The following CACNB3 variants were observed in gnomAD, a reference collection of about 807,000 sequenced individuals.
The protein encoded by CACNB3 is voltage-dependent L-type calcium channel subunit beta-3.
CACNB3 carries 36 observed loss-of-function variants against 63.7 expected under a neutral mutation model. That is an observed-to-expected ratio of 0.57 (90% CI 0.43 to 0.75). The LOEUF (loss-of-function observed/expected upper bound fraction) is 0.75. Among genes scored for constraint, CACNB3 ranks in the 30% least tolerant of loss-of-function variants. The probability of loss-of-function intolerance (pLI) is 0.00; values close to 1 mark genes in which losing one functional copy is unlikely to be tolerated. For synonymous variants in CACNB3, 241 were observed against 250.6 expected, an observed-to-expected ratio of 0.96 and a Z score of 0.36; for missense variants, 493 against 648.6, an observed-to-expected ratio of 0.76 and a Z score of 2.61.
upstream of CACNB3, chr12:48,814,517 C>A (rs988397383): frequency 5.9e-6 from 9 of 1,529,624 alleles, no homozygotes; most frequent in East Asian, 2.2e-4. The surrounding 1 kb of genome is among the most constrained non-coding windows in gnomAD (Gnocchi z 6.9). Context: ...GGACGCTGCC[C>A]GGCTTAGCTG....
chr12:48,827,743 C>T lies in CACNB3; in HGVS notation c.1299C>T (p.Tyr433=), dbSNP rs930055595. ...TGGAGGAGGACTATGCAGATGCCTA[C>T]CAGGACCTGTACCAGCCTCACCGCC... ...RHLEEDYADA[Y]QDLYQPHRQH... Residue 433 remains tyrosine (Y), a synonymous_variant, in exon 13 of 13, where the codon TAC becomes TAT. Transcript: ENST00000301050. 1.2e-6 allele frequency: 2 copies of T among 1,614,042 alleles called. No individual in the cohort carries two copies. The highest frequency in any genetic ancestry group is 1.7e-6 in the Non-Finnish European group (2 of 1,180,038).
rs966944108 is a variant in CACNB3 at position 48,828,841 on chromosome 12, G to A, written c.*942G>A. 46 of 447,026 alleles carry A rather than the reference G, an allele frequency of 1.0e-4. No individual in the cohort carries two copies. Among genetic ancestry groups the A allele is most frequent in the African/African-American group, 6.0e-4 (30 of 49,872 alleles). 27.7% of individuals were successfully genotyped at this position (447,026 alleles called of 1,614,324 possible). A position where few individuals can be genotyped will look rare whatever the true frequency, so the allele number is the denominator to read the frequency against. On this transcript the variant is annotated 3_prime_UTR_variant, in exon 13 of 13. Transcript: ENST00000301050. ...CAGGGCACAGAGGACCTGTCTCCCCGGCTACTCTTGCCTTATGGCTCTAGT... is the reference window on the plus strand; with the variant it reads ...CAGGGCACAGAGGACCTGTCTCCCCAGCTACTCTTGCCTTATGGCTCTAGT...
intron 1 of CACNB3, among the ~76,000 whole-genome samples, chr12:48,819,365 G>A (rs1937720338): frequency 6.6e-6 from 1 of 152,176 alleles, no homozygotes; most frequent in South Asian, 2.1e-4. Flanking sequence ...GAGCCGCCGA[G>A]GTGGTTGGGG....
chr12:48,817,034 A>G (rs1942303015), upstream of CACNB3: 2 of 982,886 alleles, frequency 2.0e-6, no homozygotes, highest in African/African-American at 3.5e-5. Flanking sequence ...GGAACTTCCA[A>G]TACAGAAGAA....
chr12:48,818,153 G>A (rs1942331764), upstream of CACNB3, among the ~76,000 whole-genome samples: 1 of 152,182 alleles, frequency 6.6e-6, no homozygotes, highest in Non-Finnish European at 1.5e-5. This position sits in a 1 kb window ranked among gnomAD's most constrained non-coding sequence, Gnocchi z 4.3. Context: ...TGCTTTCGGA[G>A]CCTCCGGGAC....
intron 4 of CACNB3, 64 bp downstream of exon 4, chr12:48,824,437 G>A (rs1938019187): frequency 1.1e-5 from 16 of 1,396,200 alleles, no homozygotes; most frequent in Admixed American, 2.0e-5. Flanking sequence ...CACAGGACAC[G>A]TCACCATGCA....
At position 48,827,507 on chromosome 12, in the gene CACNB3, G is replaced by A. The variant is rs1938210344; in HGVS notation, c.1141-78G>A. ...TTTACCGGGGAATTGAGAGTTGAGG[G>A]GGGAAGAATCTCGCACCTCACCAGA... On this transcript the variant is annotated intron_variant, in intron 12 of 12. Coordinates refer to ENST00000301050, the MANE Select transcript of CACNB3 (RefSeq NM_000725.4). 2.2e-5 allele frequency: 29 copies of A among 1,305,782 alleles called. No individual in the cohort carries two copies. In the Admixed American group the frequency reaches 3.4e-4, roughly 15 times the overall value. 80.9% of individuals were successfully genotyped at this position (1,305,782 alleles called of 1,614,324 possible).
At position 48,824,687 on chromosome 12, in the gene CACNB3, C is replaced by T. The variant is rs748697809; in HGVS notation, c.426C>T (p.Ser142=). ...EQKARRSGNP[S]SLSDIGNRRS... is the part of the protein sequence containing the mutation. ...TTCTCAGGAGATCTGGGAACCCTTC[C>T]AGCCTGAGTGACATTGGCAACCGAC... The change falls in exon 5 of 13, where the codon TCC becomes TCT. Residue 142 remains serine, a synonymous_variant. Transcript: ENST00000301050. The T allele has an allele frequency of 1.9e-6, 3 of 1,613,872 alleles. No individual in the cohort carries two copies. The highest frequency in any genetic ancestry group is 2.2e-5 in the South Asian group (2 of 91,058).
In CACNB3 at chr12:48,827,754, A is replaced by T. The variant is rs764052881; in HGVS notation, c.1310A>T (p.Tyr437Phe). The T allele has an allele frequency of 1.9e-6, 3 of 1,614,028 alleles. No individual in the cohort carries two copies. Among genetic ancestry groups the T allele is most frequent in the Non-Finnish European group, 2.5e-6 (3 of 1,180,016 alleles). The change falls in exon 13 of 13, where the codon TAC (tyrosine) becomes TTC (phenylalanine). Residue 437 changes from tyrosine (Y) to phenylalanine (F), a missense_variant. Transcript: ENST00000301050. ...EDYADAYQDL[Y>F]QPHRQHTSGL... is the part of the protein sequence containing the mutation. ...TATGCAGATGCCTACCAGGACCTGT[A>T]CCAGCCTCACCGCCAACACACCTCG...
upstream of CACNB3, chr12:48,815,613 G>A (rs1314889369): frequency 6.5e-7 from 1 of 1,533,244 alleles, no homozygotes; most frequent in Non-Finnish European, 8.7e-7. Flanking sequence ...GCAGCGTGCA[G>A]AGCAGCGGCC....
intron 5 of CACNB3, 50 bp from the exon 6 acceptor site, chr12:48,824,899 G>T: frequency 1.9e-6 from 3 of 1,609,706 alleles, no homozygotes; most frequent in South Asian, 2.2e-5. Context: ...TGCCCCCAGG[G>T]ACCTTTCCCC....
chr12:48,827,815 C>T lies in CACNB3; in HGVS notation c.1371C>T (p.Asp457=). 6.2e-7 allele frequency: 1 copy of T among 1,614,184 alleles called. No individual in the cohort carries two copies. The highest frequency in any genetic ancestry group is 2.2e-5 in the East Asian group (1 of 44,884). The part of the protein sequence containing the change: ...LPSANGHDPQ[D]RLLAQDSEHN... ...GTGCTAACGGGCATGACCCCCAAGA[C>T]CGGCTTCTAGCCCAGGACTCAGAGC... Residue 457 remains aspartate, a synonymous_variant, in exon 13 of 13, where the codon GAC becomes GAT. Transcript: ENST00000301050.
Position 48,824,276 on chromosome 12 carries a change from TGGATCGGGC to T in CACNB3, c.313_321del (p.Ile105_Arg107del). On this transcript the variant is annotated inframe_deletion, in exon 4 of 13. Coordinates refer to ENST00000301050, the MANE Select transcript of CACNB3 (RefSeq NM_000725.4). Reference sequence around the variant, plus strand: ...CCCCCAGAAGTACAGCAATGACTGGTGGATCGGGCGGCTAGTGAAAGAGGGCGGGGACAT... The same window carrying T: ...CCCCCAGAAGTACAGCAATGACTGGTGGCTAGTGAAAGAGGGCGGGGACAT... 1 of 1,612,970 alleles carries T rather than the reference TGGATCGGGC, an allele frequency of 6.2e-7. No individual in the cohort carries two copies. The highest frequency in any genetic ancestry group is 8.5e-7 in the Non-Finnish European group (1 of 1,179,622).
chr12:48,819,112 G>C (rs1592182487), intron 1 of CACNB3, 138 bp downstream of exon 1: 1 of 903,698 alleles, frequency 1.1e-6, no homozygotes, highest in African/African-American at 1.7e-5. Context: ...CTAAGAACGT[G>C]GGGAGATGGA....
In CACNB3 at chr12:48,819,233, A is replaced by T. The variant is rs897393507; in HGVS notation, c.45+259A>T. On this transcript the variant is annotated intron_variant, in intron 1 of 12. Transcript: ENST00000301050. Reference sequence around the variant, plus strand: ...GCTCAAGCAGGTGGCTCCACGGCCCAGGAAAGAGGGGTGGGAGAAGGCAGG... The same window carrying T: ...GCTCAAGCAGGTGGCTCCACGGCCCTGGAAAGAGGGGTGGGAGAAGGCAGG... 5.9e-5 allele frequency among the ~76,000 whole-genome samples: 9 copies of T among 152,044 alleles called. 1 individual carries two copies. Among genetic ancestry groups the T allele is most frequent in the African/African-American group, 2.2e-4 (9 of 41,402 alleles).
In CACNB3 at chr12:48,828,189, GCAGTGCCCT is replaced by G. The variant is rs1460389184; in HGVS notation, c.*294_*302del. On this transcript the variant is annotated 3_prime_UTR_variant, in exon 13 of 13. Coordinates refer to ENST00000301050, the MANE Select transcript of CACNB3 (RefSeq NM_000725.4). The stretch of plus-strand genomic sequence containing the variant: ...CCCACACAGGAAGCTGCCCCACTGG[GCAGTGCCCT>G]CAGGCCAGGATCCCCTTAGCAGGGT... The G allele has an allele frequency of 2.2e-5, 11 of 489,194 alleles. No homozygotes were observed. Among genetic ancestry groups the G allele is most frequent in the South Asian group, 1.1e-4 (5 of 44,608 alleles). 30.3% of individuals were successfully genotyped at this position (489,194 alleles called of 1,614,324 possible). A position where few individuals can be genotyped will look rare whatever the true frequency, so the allele number is the denominator to read the frequency against.
chr12:48,825,404 G>T lies in CACNB3; in HGVS notation c.574-30G>T, dbSNP rs540165961. On this transcript the variant is annotated intron_variant, in intron 7 of 12. Transcript: ENST00000301050. This position sits in a 1 kb window ranked among gnomAD's most constrained non-coding sequence, Gnocchi z 4.5. ...GGGGAGGCTGCTTCTCTCCAAAGGG[G>T]CCCTTCATCAGTGCCATGCCTTCCC... is the stretch of plus-strand genomic sequence containing the variant. The T allele has an allele frequency of 6.2e-7, 1 of 1,613,434 alleles. No homozygotes were observed. Among genetic ancestry groups the T allele is most frequent in the South Asian group, 1.1e-5 (1 of 91,054 alleles).
upstream of CACNB3, chr12:48,814,517 C>G (rs988397383): frequency 6.5e-7 from 1 of 1,529,506 alleles, no homozygotes; most frequent in Non-Finnish European, 8.7e-7. This position sits in a 1 kb window ranked among gnomAD's most constrained non-coding sequence, Gnocchi z 6.9. Flanking sequence ...GGACGCTGCC[C>G]GGCTTAGCTG....
chr12:48,818,851 C>T lies in CACNB3; in HGVS notation c.-79C>T. ...GCGGGGCTCGGTGGCATCTCCCGGG[C>T]GCGGCCCGCAGTCCTTGCCCCTGCC... On this transcript the variant is annotated 5_prime_UTR_variant, in exon 1 of 13. Coordinates refer to ENST00000301050, the MANE Select transcript of CACNB3 (RefSeq NM_000725.4). The surrounding 1 kb of genome is among the most constrained non-coding windows in gnomAD (Gnocchi z 4.3). 6.9e-7 allele frequency: 1 copy of T among 1,450,744 alleles called. No homozygotes were observed. The highest frequency in any genetic ancestry group is 2.9e-5 in the East Asian group (1 of 34,626). 89.9% of individuals were successfully genotyped at this position (1,450,744 alleles called of 1,614,324 possible).
Sources: allele counts gnomAD v4.1 joint callset (sites outside exome capture counted in the v4.1 genomes callset), GRCh38; gene constraint gnomAD v4.1.1; non-coding constraint Gnocchi (gnomAD v3.1); transcripts MANE v1.5; gene names NCBI Gene and HGNC (gene_info 2026-07-23, HGNC 2026-07-21).